Variants in CACNA1A observed in about 807,000 individuals in gnomAD.
CACNA1A encodes voltage-dependent P/Q-type calcium channel subunit alpha-1A.
Under a neutral mutation model 262.4 loss-of-function variants are expected in CACNA1A, and 57 were observed. The observed-to-expected ratio is 0.22, with a 90% CI of 0.18 to 0.27. The LOEUF (loss-of-function observed/expected upper bound fraction) is 0.27, where lower values mean the gene tolerates loss of function less well. Ranked by LOEUF, CACNA1A falls within the 10% of genes least tolerant of loss-of-function variation. CACNA1A has a pLI of 1.00. For synonymous variants in CACNA1A, 1,431 were observed against 1,419.3 expected, an observed-to-expected ratio of 1.01 and a Z score of -0.18; for missense variants, 2,526 against 3,562.8, an observed-to-expected ratio of 0.71 and a Z score of 7.41.
At position 13,423,686 on chromosome 19, in the gene CACNA1A, A is replaced by AT. The variant is rs3054395; in HGVS notation, c.539+29189dup. Reference sequence around the variant, plus strand: ...ACCACCACGCCTGGTTAATTTTTGTATTTTTTTTTGTAGAGATGAGGTTTT... The same window carrying AT: ...ACCACCACGCCTGGTTAATTTTTGTATTTTTTTTTTGTAGAGATGAGGTTTT... On this transcript the variant is annotated intron_variant, in intron 3 of 46. Coordinates refer to ENST00000360228, the MANE Select transcript of CACNA1A (RefSeq NM_001127222.2). Among the ~76,000 whole-genome samples, 591 of 149,798 alleles carry AT rather than the reference A, an allele frequency of 3.9e-3. 5 individuals carry two copies. Among genetic ancestry groups the AT allele is most frequent in the African/African-American group, 0.013 (513 of 40,822 alleles).
chr19:13,495,649 G>A (rs1981415411), intron 1 of CACNA1A, among the ~76,000 whole-genome samples: 1 of 152,134 alleles, frequency 6.6e-6, no homozygotes, highest in Admixed American at 6.6e-5. Flanking sequence ...TAAGCGGAGA[G>A]ACTTGGTCAT....
intron 24 of CACNA1A, 198 bp downstream of exon 24, chr19:13,275,652 C>G (rs1368474944): frequency 5.0e-6 from 3 of 599,644 alleles, no homozygotes; most frequent in Non-Finnish European, 9.1e-6. Context: ...GAGGGGGGGT[C>G]CCTTCTCCTT....
At chr19:13,312,570 T>C (rs2058055393) in intron 12 of CACNA1A, 99 bp downstream of exon 12, 2 of 697,656 alleles carry the variant, frequency 2.9e-6, no homozygotes, top group African/African-American at 1.9e-5. Flanking sequence ...GTCTCTCATA[T>C]TCAGGGGTGA....
chr19:13,321,150 C>T (rs2058244267), intron 10 of CACNA1A, among the ~76,000 whole-genome samples: 1 of 151,652 alleles, frequency 6.6e-6, no homozygotes. Flanking sequence ...TCTCCTGCCT[C>T]AGCCTCCCAA....
intron 3 of CACNA1A, among the ~76,000 whole-genome samples, chr19:13,406,413 A>G (rs867913914): frequency 1.4e-5 from 2 of 144,030 alleles, no homozygotes; most frequent in East Asian, 2.1e-4. Context: ...CAAGATCGCG[A>G]CAATGGGCTT....
intron 9 of CACNA1A, 39 bp downstream of exon 9, chr19:13,332,830 C>T (rs1189837993): frequency 2.8e-6 from 4 of 1,446,628 alleles, no homozygotes; most frequent in Non-Finnish European, 1.9e-6. Context: ...CTCCCTTCTC[C>T]CCTGGGACCC....
chr19:13,336,600 A>AGAGGGAGAGG (rs750476134), intron 6 of CACNA1A, among the ~76,000 whole-genome samples: 5 of 110,862 alleles, frequency 4.5e-5, no homozygotes, highest in African/African-American at 1.2e-4. Context: ...AGAGGGAGAG[A>AGAGGGAGAGG]GAGAGAGAGA....
chr19:13,456,446 G>A (rs988292036), intron 1 of CACNA1A, among the ~76,000 whole-genome samples: 1 of 152,170 alleles, frequency 6.6e-6, no homozygotes, highest in African/African-American at 2.4e-5. Context: ...GCCAAGGCGG[G>A]TGGATCATGA....
chr19:13,463,526 G>A (rs2144990012), intron 1 of CACNA1A, among the ~76,000 whole-genome samples: 1 of 152,262 alleles, frequency 6.6e-6, no homozygotes, highest in South Asian at 2.1e-4. Context: ...GCGGCAAAGA[G>A]GCACAAGTTT....
chr19:13,234,218 C>T (rs1243299075), intron 34 of CACNA1A, among the ~76,000 whole-genome samples: 4 of 150,158 alleles, frequency 2.7e-5, no homozygotes, highest in Admixed American at 6.7e-5. Context: ...GGCGTGGTGG[C>T]GGGCGCCTGT....
chr19:13,379,951 T>C (rs2059487674), intron 3 of CACNA1A, among the ~76,000 whole-genome samples: 1 of 125,074 alleles, frequency 8.0e-6, no homozygotes, highest in Non-Finnish European at 1.6e-5. Flanking sequence ...AAAAAGTGTT[T>C]AGACCAGCAC....
chr19:13,335,720 G>A, intron 7 of CACNA1A, 86 bp downstream of exon 7: 5 of 896,408 alleles, frequency 5.6e-6, no homozygotes, highest in Non-Finnish European at 9.1e-6. Context: ...TCTAGTGAAT[G>A]AAAACAAAGC....
At chr19:13,228,939 A>C (rs1311001849) in intron 36 of CACNA1A, 1 of 464,606 alleles carries the variant, frequency 2.2e-6, no homozygotes, top group East Asian at 4.9e-5. Flanking sequence ...GGTCCCCAGT[A>C]CATTCCCAGA....
intron 10 of CACNA1A, among the ~76,000 whole-genome samples, chr19:13,323,279 A>AAAACAAAC (rs570449419): frequency 2.0e-5 from 3 of 151,690 alleles, no homozygotes; most frequent in Non-Finnish European, 4.4e-5. Context: ...CAAAAAACAA[A>AAAACAAAC]AAACAAACAA....
At chr19:13,399,859 T>C (rs1192525971) in intron 3 of CACNA1A, among the ~76,000 whole-genome samples, 1 of 152,106 alleles carries the variant, frequency 6.6e-6, no homozygotes, top group Non-Finnish European at 1.5e-5. Context: ...CAGTAGAAGA[T>C]TTCAGAAGTG....
chr19:13,259,344 G>GTTTTTTTTT (rs2056665416), intron 27 of CACNA1A: 1 of 9,028 alleles, frequency 1.1e-4, no homozygotes. Context: ...TTTTTTTTTG[G>GTTTTTTTTT]GATTTTTAGT....
intron 31 of CACNA1A, among the ~76,000 whole-genome samples, chr19:13,238,316 T>C (rs137921005): frequency 2.0e-5 from 3 of 152,276 alleles, no homozygotes; most frequent in African/African-American, 7.2e-5. Flanking sequence ...ACACAGCCCC[T>C]GGAAGACATG....
At chr19:13,355,021 C>T (rs1484973287) in intron 6 of CACNA1A, among the ~76,000 whole-genome samples, 2 of 152,102 alleles carry the variant, frequency 1.3e-5, no homozygotes, top group South Asian at 2.1e-4. Flanking sequence ...ATTACAGGCA[C>T]CCGCCCACCA....
chr19:13,270,562 A>C (rs2056992592), intron 24 of CACNA1A, among the ~76,000 whole-genome samples: 1 of 152,244 alleles, frequency 6.6e-6, no homozygotes, highest in African/African-American at 2.4e-5. Context: ...AGAGGCCAGA[A>C]ACCTGTAACG....
Sources: gnomAD v4.1 joint callset for allele counts (sites outside exome capture counted in the v4.1 genomes callset) on GRCh38, gnomAD v4.1.1 for gene constraint, MANE v1.5 for transcripts, NCBI Gene and HGNC (gene_info 2026-07-23, HGNC 2026-07-21) for gene names.